Variants in FAM193A observed in about 807,000 individuals in gnomAD.
The protein encoded by FAM193A is protein FAM193A.
FAM193A carries 22 observed loss-of-function variants against 126.5 expected under a neutral mutation model. That is an observed-to-expected ratio of 0.17 (90% confidence interval 0.12 to 0.25). The LOEUF (loss-of-function observed/expected upper bound fraction) is 0.25, where lower values mean the gene tolerates loss of function less well. Ranked by LOEUF, FAM193A falls within the 10% of genes least tolerant of loss-of-function variation. The pLI, the probability that FAM193A is intolerant of heterozygous loss-of-function variation, is 1.00. For missense variants in FAM193A, 1,675 were observed against 1,672.8 expected (o/e 1.00, Z -0.02); for synonymous variants, 761 against 646.8 (o/e 1.18, Z -2.68).
At chr4:2,641,642 G>A (rs1475381754) in intron 6 of FAM193A, among the ~76,000 whole-genome samples, 2 of 152,114 alleles carry the variant, frequency 1.3e-5, no homozygotes, top group Non-Finnish European at 2.9e-5. Flanking sequence ...ACCACAGAGC[G>A]AGACTCCATC....
intron 1 of FAM193A, among the ~76,000 whole-genome samples, chr4:2,556,607 G>A (rs1374412438): frequency 4.6e-5 from 7 of 152,256 alleles, no homozygotes; most frequent in East Asian, 1.9e-4. Flanking sequence ...ACTTGAGCCC[G>A]GGAGGTCGAG....
At chr4:2,604,244 T>C (rs1245296292) in intron 2 of FAM193A, among the ~76,000 whole-genome samples, 1 of 152,216 alleles carries the variant, frequency 6.6e-6, no homozygotes, top group African/African-American at 2.4e-5. Flanking sequence ...CTGTATTTGC[T>C]GTATTTGCTA....
At chr4:2,721,349 A>G (rs1045505045) in intron 20 of FAM193A, among the ~76,000 whole-genome samples, 1 of 144,850 alleles carries the variant, frequency 6.9e-6, no homozygotes, top group Admixed American at 6.8e-5. Flanking sequence ...AAAGCCAGGC[A>G]TGGTGGTACA....
intron 7 of FAM193A, among the ~76,000 whole-genome samples, chr4:2,647,316 T>C (rs753581727): frequency 6.6e-6 from 1 of 151,986 alleles, no homozygotes; most frequent in Non-Finnish European, 1.5e-5. Flanking sequence ...CTGGCTAGTT[T>C]TGTATTTTTA....
At chr4:2,577,668 C>G (rs1031937720) in intron 1 of FAM193A, among the ~76,000 whole-genome samples, 10 of 152,120 alleles carry the variant, frequency 6.6e-5, no homozygotes, top group Admixed American at 5.9e-4. Context: ...ATCCACCTGC[C>G]TGAGCCTCCT....
intron 6 of FAM193A, 74 bp downstream of exon 6, chr4:2,639,933 C>A: frequency 1.4e-6 from 2 of 1,422,536 alleles, no homozygotes; most frequent in South Asian, 1.3e-5. Context: ...TGTGCGTGTA[C>A]CCGAGTACCA....
chr4:2,568,574 T>G (rs1218569997), intron 1 of FAM193A, among the ~76,000 whole-genome samples: 1 of 152,176 alleles, frequency 6.6e-6, no homozygotes, highest in Non-Finnish European at 1.5e-5. Context: ...TTTTCTGCCA[T>G]GTGAATTTAG....
At chr4:2,665,976 G>A (rs1365258990) in intron 12 of FAM193A, among the ~76,000 whole-genome samples, 1 of 152,078 alleles carries the variant, frequency 6.6e-6, no homozygotes, top group Admixed American at 6.6e-5. Context: ...CCTCCCGAGT[G>A]CTTTTAATTC....
At chr4:2,549,378 C>T (rs1737762353) in intron 1 of FAM193A, among the ~76,000 whole-genome samples, 3 of 148,706 alleles carry the variant, frequency 2.0e-5, no homozygotes, top group Admixed American at 1.3e-4. Context: ...TTTTTTCCCT[C>T]TATGTTTTCT....
chr4:2,659,527 C>T (rs1712139596), intron 8 of FAM193A, 31 bp from the exon 9 acceptor site: 9 of 1,484,818 alleles, frequency 6.1e-6, no homozygotes, highest in African/African-American at 1.4e-5. Flanking sequence ...AAGGGTCTTG[C>T]AAGATTAAAG....
intron 1 of FAM193A, among the ~76,000 whole-genome samples, chr4:2,556,381 A>G (rs1421061027): frequency 6.7e-6 from 1 of 149,340 alleles, no homozygotes; most frequent in Non-Finnish European, 1.5e-5. Flanking sequence ...AATTTTTTGT[A>G]TTTTAGTAGA....
At chr4:2,706,542 C>T (rs554967487) in intron 19 of FAM193A, among the ~76,000 whole-genome samples, 3 of 152,084 alleles carry the variant, frequency 2.0e-5, no homozygotes, top group African/African-American at 7.2e-5. Context: ...GTGATCTGCC[C>T]ACCTTGGCCT....
intron 7 of FAM193A, among the ~76,000 whole-genome samples, chr4:2,657,293 A>G (rs2109094188): frequency 6.6e-6 from 1 of 152,154 alleles, no homozygotes; most frequent in Non-Finnish European, 1.5e-5. Context: ...TTTCGGTTTT[A>G]TTAATCACAT....
intron 1 of FAM193A, among the ~76,000 whole-genome samples, chr4:2,541,654 T>C (rs1038817248): frequency 2.6e-5 from 4 of 151,742 alleles, no homozygotes; most frequent in South Asian, 2.1e-4. Context: ...CCATGTTGGC[T>C]AGGATGGTTT....
intron 16 of FAM193A, among the ~76,000 whole-genome samples, chr4:2,694,374 A>T (rs973805572): frequency 2.0e-5 from 3 of 151,870 alleles, no homozygotes; most frequent in African/African-American, 7.3e-5. Flanking sequence ...GGTTCAAGCG[A>T]TTCTTCTGCC....
chr4:2,693,632 C>T lies in FAM193A; in HGVS notation c.2850C>T (p.Ala950=). The change falls in exon 16 of 21, where the codon GCC becomes GCT. Residue 950 remains alanine (A), a synonymous_variant. Transcript: ENST00000637812. ...GCAAGGAGGACCACAGACACTCGGC[C>T]CCAGCCGCCCCGAGGAATAGCCCCA... ...GISKEDHRHS[A]PAAPRNSPTG... is the part of the protein sequence containing the mutation. 6.2e-7 allele frequency: 1 copy of T among 1,614,096 alleles called. No homozygotes were observed. The highest frequency in any genetic ancestry group is 8.5e-7 in the Non-Finnish European group (1 of 1,179,984).
intron 2 of FAM193A, among the ~76,000 whole-genome samples, chr4:2,598,734 T>C (rs920010032): frequency 4.6e-5 from 7 of 152,250 alleles, no homozygotes; most frequent in African/African-American, 1.7e-4. Flanking sequence ...TGTGTCCTGT[T>C]GTGCACCTGG....
chr4:2,596,785 C>G (rs550315023), intron 2 of FAM193A, among the ~76,000 whole-genome samples: 1 of 152,118 alleles, frequency 6.6e-6, no homozygotes, highest in African/African-American at 2.4e-5. Context: ...CACCCTTACT[C>G]TTATCTTTGA....
upstream of FAM193A, among the ~76,000 whole-genome samples, chr4:2,536,095 G>GCCGCC (rs1035981669): frequency 6.6e-6 from 1 of 151,774 alleles, no homozygotes; most frequent in African/African-American, 2.4e-5. Flanking sequence ...GCCGCGCCGC[G>GCCGCC]CCGCCCCTGG....
Sources: allele counts gnomAD v4.1 joint callset (sites outside exome capture counted in the v4.1 genomes callset), GRCh38; gene constraint gnomAD v4.1.1; transcripts MANE v1.5; gene names NCBI Gene and HGNC (gene_info 2026-07-23, HGNC 2026-07-21).